Variants in LMOD3 observed in about 807,000 individuals in gnomAD.
LMOD3 encodes the protein leiomodin-3.
A neutral mutation model predicts 41.8 loss-of-function variants in LMOD3; 31 were observed. The ratio of observed to expected loss-of-function variants is 0.74; its 90% CI spans 0.56 to 1.00. LMOD3 has a LOEUF of 1.00. Among genes scored for constraint, LMOD3 ranks in the 50% least tolerant of loss-of-function variants. The pLI is 0.00. For missense variants in LMOD3, 755 were observed against 679.5 expected (o/e 1.11, Z -1.23); for synonymous variants, 292 against 241.9 (o/e 1.21, Z -1.92).
rs2092327119 is a variant in LMOD3 at position 69,107,365 on chromosome 3, A to C, written c.*1730T>G. ...ATTCTCCCCTAGCCTGTTTGGTTTG[A>C]TACATGCCACTTATGATAACATAAA... On this transcript the variant is annotated 3_prime_UTR_variant, in exon 3 of 3. Transcript: ENST00000420581. 6.9e-6 allele frequency: 1 copy of C among 145,880 alleles called. No individual in the cohort carries two copies. The allele number at this position is 145,880 out of a possible 1,614,324, so 9.0% of individuals were successfully genotyped here.
At chr3:69,115,453 G>C (rs138904596) in intron 2 of LMOD3, among the ~76,000 whole-genome samples, 25 of 151,644 alleles carry the variant, frequency 1.6e-4, no homozygotes, top group Middle Eastern at 3.4e-3. Flanking sequence ...CTGCACTCCA[G>C]CCTGGGTGAT....
In LMOD3 at chr3:69,107,448, CA is replaced by C. The variant is rs2092327644; in HGVS notation, c.*1646del. On this transcript the variant is annotated 3_prime_UTR_variant, in exon 3 of 3. Coordinates refer to ENST00000420581, the MANE Select transcript of LMOD3 (RefSeq NM_198271.5). ...CAGGTAAAGAAGAGAGAAAAGGCAC[CA>C]AAGGTTTTTTTTTTTTTTTTTTTTT... 2.9e-5 allele frequency: 2 copies of C among 67,864 alleles called. No individual in the cohort carries two copies. The highest frequency in any genetic ancestry group is 5.1e-4 in the South Asian group (1 of 1,964). 4.2% of individuals were successfully genotyped at this position (67,864 alleles called of 1,614,324 possible). A position where few individuals can be genotyped will look rare whatever the true frequency, so the allele number is the denominator to read the frequency against.
chr3:69,121,677 A>C (rs1286857007), intron 1 of LMOD3, among the ~76,000 whole-genome samples: 1 of 152,210 alleles, frequency 6.6e-6, no homozygotes, highest in Non-Finnish European at 1.5e-5. Context: ...ACTGTGTGCG[A>C]AACACTGCGT....
intron 2 of LMOD3, among the ~76,000 whole-genome samples, chr3:69,114,382 A>T (rs1373374629): frequency 6.6e-6 from 1 of 152,182 alleles, no homozygotes; most frequent in Non-Finnish European, 1.5e-5. Context: ...AACTGAATTG[A>T]ATGGGTAATT....
At position 69,109,121 on chromosome 3, in the gene LMOD3, C is replaced by T. The variant is rs762946989; in HGVS notation, c.1657G>A (p.Val553Met). Residue 553 changes from valine to methionine, a missense_variant and splice_region_variant, in exon 3 of 3, where the codon GTG becomes ATG. Physicochemically the swap from Val to Met is conservative, Grantham distance 21 (BLOSUM62 1). Transcript: ENST00000420581. ...RHSSVAYLKP[V>M]QLPKELA The stretch of plus-strand genomic sequence containing the variant: ...TACGCCAGTTCTTTTGGCAGTTGCA[C>T]CTGCGATTTAAGCATTTGAGGAAAC... The T allele has an allele frequency of 5.6e-6, 9 of 1,602,136 alleles. No homozygotes were observed. In the South Asian group the frequency reaches 7.9e-5, roughly 14 times the overall value.
intron 2 of LMOD3, among the ~76,000 whole-genome samples, chr3:69,117,686 C>T (rs779063317): frequency 7.9e-5 from 12 of 152,148 alleles, no homozygotes; most frequent in Non-Finnish European, 1.5e-4. Context: ...CATGGTGACA[C>T]CAACCTGAAG....
chr3:69,107,453 GTTTTTTTTTTTTTTTTTTTT>G lies in LMOD3; in HGVS notation c.*1622_*1641del, dbSNP rs752807599. On this transcript the variant is annotated 3_prime_UTR_variant, in exon 3 of 3. Transcript: ENST00000420581. ...AAAGAAGAGAGAAAAGGCACCAAAG[GTTTTTTTTTTTTTTTTTTTT>G]TTTTTTTTTTTTTTTTTTTTTGAGA... The G allele has an allele frequency of 9.1e-4, 34 of 37,372 alleles. No individual in the cohort carries two copies. Among genetic ancestry groups the G allele is most frequent in the South Asian group, 2.7e-3 (2 of 728 alleles). The allele number at this position is 37,372 out of a possible 1,614,324, so 2.3% of individuals were successfully genotyped here. A position where few individuals can be genotyped will look rare whatever the true frequency, so the allele number is the denominator to read the frequency against.
intron 2 of LMOD3, among the ~76,000 whole-genome samples, chr3:69,113,295 T>G (rs2092357693): frequency 6.6e-6 from 1 of 151,884 alleles, no homozygotes; most frequent in Non-Finnish European, 1.5e-5. Context: ...AAACCCTGAG[T>G]GATCTAAAGG....
intron 1 of LMOD3, among the ~76,000 whole-genome samples, chr3:69,121,478 G>T (rs1250508917): frequency 6.6e-6 from 1 of 152,164 alleles, no homozygotes; most frequent in Non-Finnish European, 1.5e-5. Flanking sequence ...AGTTTGCAGA[G>T]TTAACAATTC....
At chr3:69,120,463 A>G (rs916609125) in intron 1 of LMOD3, among the ~76,000 whole-genome samples, 1 of 151,580 alleles carries the variant, frequency 6.6e-6, no homozygotes, top group Non-Finnish European at 1.5e-5. Context: ...GATACTATAA[A>G]TATATTAGAA....
intron 2 of LMOD3, among the ~76,000 whole-genome samples, chr3:69,115,388 G>A (rs942205521): frequency 6.6e-6 from 1 of 151,944 alleles, no homozygotes; most frequent in East Asian, 2.0e-4. Context: ...AGTCTGAGGT[G>A]GGAGGATCAC....
chr3:69,109,006 C>A lies in LMOD3; in HGVS notation c.*89G>T. ...TGTTTCCAGTTCTGCCACGTGGATC[C>A]TAAAGTATTGCTGCTGACATAGTCT... is the stretch of plus-strand genomic sequence containing the variant. On this transcript the variant is annotated 3_prime_UTR_variant, in exon 3 of 3. Transcript: ENST00000420581. 8.5e-7 allele frequency: 1 copy of A among 1,176,086 alleles called. No individual in the cohort carries two copies. The highest frequency in any genetic ancestry group is 2.1e-5 in the Admixed American group (1 of 48,550). 72.9% of individuals were successfully genotyped at this position (1,176,086 alleles called of 1,614,324 possible).
In LMOD3 at chr3:69,119,956, TTC is replaced by T; in HGVS notation, c.397_398del (p.Glu133IlefsTer12). On this transcript the variant is annotated frameshift_variant, in exon 2 of 3. Transcript: ENST00000420581. LOFTEE classifies it high-confidence loss of function. ...LNNEIVANKR[E>X]SKGSSNIQET... ...CTTGGATATTGCTGCTGCCCTTTGA[TTC>T]TCTTTTATTTGCAACTATTTCATTA... is the stretch of plus-strand genomic sequence containing the variant. 1 of 1,578,808 alleles carries T rather than the reference TTC, an allele frequency of 6.3e-7. No homozygotes were observed. The highest frequency in any genetic ancestry group is 8.6e-7 in the Non-Finnish European group (1 of 1,160,316).
rs904782346 is a variant in LMOD3 at position 69,109,951 on chromosome 3, C to G, written c.1657-830G>C. ...GGAAGTGGCAGAGCAGGATTTGAAC[C>G]AGGTCTGCCTGATTTCAGTGCTCAT... is the stretch of plus-strand genomic sequence containing the variant. On this transcript the variant is annotated intron_variant, in intron 2 of 2. Transcript: ENST00000420581. Among the ~76,000 whole-genome samples the G allele has an allele frequency of 2.0e-5, 3 of 152,114 alleles. No homozygotes were observed. The South Asian group carries it at 6.2e-4, about 31-fold the overall frequency.
In LMOD3 at chr3:69,107,583, T is replaced by C. The variant is rs1288596638; in HGVS notation, c.*1512A>G. 6.8e-6 allele frequency: 1 copy of C among 146,288 alleles called. No homozygotes were observed. The highest frequency in any genetic ancestry group is 2.2e-4 in the East Asian group (1 of 4,562). The allele number at this position is 146,288 out of a possible 1,614,324, so 9.1% of individuals were successfully genotyped here. ...CCTCTGCCTCCCCAGTTCAAGCAAT[T>C]CTCCTGCCTCAGCCTCCCGAGTAGC... On this transcript the variant is annotated 3_prime_UTR_variant, in exon 3 of 3. Transcript: ENST00000420581.
intron 2 of LMOD3, 48 bp from the exon 3 acceptor site, chr3:69,109,169 T>G (rs751397883): frequency 6.4e-7 from 1 of 1,568,122 alleles, no homozygotes; most frequent in Non-Finnish European, 8.7e-7. Context: ...TCCTGGAAAT[T>G]TAAGAGCTTT....
rs114521399 is a variant in LMOD3, at chr3:69,112,269, C to G, written c.1657-3148G>C. 5.1e-3 allele frequency among the ~76,000 whole-genome samples: 784 copies of G among 152,306 alleles called. 6 individuals are homozygous for G. The highest frequency in any genetic ancestry group is 0.018 in the African/African-American group (758 of 41,558). On this transcript the variant is annotated intron_variant, in intron 2 of 2. Transcript: ENST00000420581. Reference sequence around the variant, plus strand: ...ACGCATACACTCAGAGGCTTGGAGGCAGAGCGGGTGGGAAAGTTGGTTTCA... The same window carrying G: ...ACGCATACACTCAGAGGCTTGGAGGGAGAGCGGGTGGGAAAGTTGGTTTCA...
intron 2 of LMOD3, among the ~76,000 whole-genome samples, 197 bp downstream of exon 2, chr3:69,118,502 G>A (rs939031537): frequency 1.1e-4 from 16 of 152,058 alleles, no homozygotes; most frequent in African/African-American, 2.2e-4. Flanking sequence ...TCATATAGGC[G>A]TACCTAGAGA....
chr3:69,119,681 G>T lies in LMOD3; in HGVS notation c.674C>A (p.Thr225Asn). ...KLDPKKLALDTSFLKVSTRPS... is the reference protein window; with the variant it reads ...KLDPKKLALDNSFLKVSTRPS... The stretch of plus-strand genomic sequence containing the variant: ...CCTTGTACTTACCTTCAAAAAGCTG[G>T]TGTCTAGAGCTAACTTCTTAGGATC... The change falls in exon 2 of 3, where the codon ACC becomes AAC. Residue 225 changes from threonine to asparagine, a missense_variant. Transcript: ENST00000420581. The T allele has an allele frequency of 6.2e-7, 1 of 1,613,886 alleles. No homozygotes were observed. Among genetic ancestry groups the T allele is most frequent in the South Asian group, 1.1e-5 (1 of 91,074 alleles).
Sources: gnomAD v4.1 joint callset for allele counts (sites outside exome capture counted in the v4.1 genomes callset) on GRCh38, gnomAD v4.1.1 for gene constraint, MANE v1.5 for transcripts, NCBI Gene and HGNC (gene_info 2026-07-23, HGNC 2026-07-21) for gene names.